RGSL1: variants seen among roughly 807,000 people sequenced by gnomAD.
RGSL1 encodes the protein regulator of G protein signaling like 1, also known as regulator of G protein signaling protein-like.
In RGSL1, 97 loss-of-function variants were observed where a neutral mutation model predicts 124.7. The ratio of observed to expected loss-of-function variants is 0.78; its 90% CI spans 0.66 to 0.92. The LOEUF (loss-of-function observed/expected upper bound fraction) is 0.92, where lower values mean the gene tolerates loss of function less well. Among genes scored for constraint, RGSL1 ranks in the 40% least tolerant of loss-of-function variants. The pLI is 0.00. For missense variants in RGSL1, 1,233 were observed against 1,288.4 expected (o/e 0.96, Z 0.66); for synonymous variants, 424 against 438.1 (o/e 0.97, Z 0.40).
intron 9 of RGSL1, among the ~76,000 whole-genome samples, chr1:182,504,755 T>C (rs1656685237): frequency 6.6e-6 from 1 of 152,148 alleles, no homozygotes. Context: ...TTTCCTTAAA[T>C]TCTTGGAGCC....
At chr1:182,494,813 A>G (rs191813442) in intron 9 of RGSL1, among the ~76,000 whole-genome samples, 1 of 152,352 alleles carries the variant, frequency 6.6e-6, no homozygotes, top group East Asian at 1.9e-4. Flanking sequence ...TGTGCCTTCA[A>G]AAAGTGGCTC....
chr1:182,536,153 G>T (rs752128418), intron 14 of RGSL1, among the ~76,000 whole-genome samples: 3 of 151,930 alleles, frequency 2.0e-5, no homozygotes, highest in Non-Finnish European at 2.9e-5. Context: ...TTTATTGCTG[G>T]GTAGTATTCC....
At chr1:182,451,075 G>A (rs150822090) in intron 1 of RGSL1, among the ~76,000 whole-genome samples, 276 of 151,118 alleles carry the variant, frequency 1.8e-3, no homozygotes, top group African/African-American at 6.6e-3. Flanking sequence ...GAATCTGGGA[G>A]GCAGAGTCTG....
At chr1:182,470,716 C>T (rs1436236118) in intron 4 of RGSL1, among the ~76,000 whole-genome samples, 1 of 152,020 alleles carries the variant, frequency 6.6e-6, no homozygotes, top group Non-Finnish European at 1.5e-5. Context: ...ATTTTTTGTT[C>T]TGTTTGCTGA....
chr1:182,499,754 C>T (rs1656211883), intron 9 of RGSL1, among the ~76,000 whole-genome samples: 1 of 152,090 alleles, frequency 6.6e-6, no homozygotes, highest in Non-Finnish European at 1.5e-5. Flanking sequence ...TTGTAGTTGC[C>T]TTATAGTGTC....
At chr1:182,547,295 G>T (rs1660272613) in intron 15 of RGSL1, among the ~76,000 whole-genome samples, 1 of 152,164 alleles carries the variant, frequency 6.6e-6, no homozygotes, top group African/African-American at 2.4e-5. Context: ...AAGTCCTCAG[G>T]TATGGTTTCT....
chr1:182,515,521 A>G (rs1230977048), intron 9 of RGSL1, among the ~76,000 whole-genome samples: 2 of 143,802 alleles, frequency 1.4e-5, no homozygotes, highest in African/African-American at 5.3e-5. Context: ...GGAAGGAAAG[A>G]AAAGAAAACA....
intron 4 of RGSL1, among the ~76,000 whole-genome samples, chr1:182,464,408 C>G (rs550735410): frequency 1.3e-5 from 2 of 151,944 alleles, no homozygotes; most frequent in African/African-American, 4.8e-5. Flanking sequence ...CAAAATAAAC[C>G]TTTAGTTAAG....
chr1:182,450,116 G>A, upstream of RGSL1: 1 of 1,550,534 alleles, frequency 6.4e-7, no homozygotes, highest in Non-Finnish European at 8.7e-7. Context: ...TATTGACTGG[G>A]GGGTAATTCT....
Position 182,540,311 on chromosome 1 carries a change from A to G in RGSL1, c.2559A>G (p.Ala853=), listed in dbSNP as rs1467188609. The part of the protein sequence containing the change: ...SAPPSTNVRS[A]DQENGEITLV... ...CACCCTCCACAAATGTCCGGAGTGC[A>G]GACCAAGAGAATGGAGAAATAACCC... The change falls in exon 15 of 22, where the codon GCA becomes GCG. Residue 853 remains alanine (A), a synonymous_variant. Transcript: ENST00000294854. 1 of 1,551,606 alleles carries G rather than the reference A, an allele frequency of 6.4e-7. No individual in the cohort carries two copies. Among genetic ancestry groups the G allele is most frequent in the Non-Finnish European group, 8.7e-7 (1 of 1,146,826 alleles).
intron 10 of RGSL1, among the ~76,000 whole-genome samples, chr1:182,526,532 G>A (rs1658758024): frequency 1.3e-5 from 2 of 152,104 alleles, no homozygotes; most frequent in South Asian, 4.1e-4. Flanking sequence ...TTATTAGCAG[G>A]GCATGGTGGT....
intron 11 of RGSL1, among the ~76,000 whole-genome samples, chr1:182,529,282 G>T (rs910399390): frequency 6.6e-6 from 1 of 152,152 alleles, no homozygotes; most frequent in Non-Finnish European, 1.5e-5. Flanking sequence ...AGGTTAACTA[G>T]CTTGTACACT....
chr1:182,462,721 G>C (rs952653564), intron 4 of RGSL1, among the ~76,000 whole-genome samples: 5 of 152,154 alleles, frequency 3.3e-5, no homozygotes, highest in African/African-American at 1.2e-4. Flanking sequence ...GGTGGAGTTA[G>C]AGCTGTCAAA....
Position 182,460,362 on chromosome 1 carries a change from T to C in RGSL1, c.301+229T>C, listed in dbSNP as rs1652719112. Among the ~76,000 whole-genome samples the C allele has an allele frequency of 2.0e-5, 3 of 152,198 alleles. No homozygotes were observed. In the South Asian group the frequency reaches 6.2e-4, roughly 32 times the overall value. The stretch of plus-strand genomic sequence containing the variant: ...CATATCCCAGCCCATGTTTTGGCAA[T>C]AGGTAAACTCTTAGCCTGAAATATT... On this transcript the variant is annotated intron_variant, in intron 4 of 21. Transcript: ENST00000294854.
intron 11 of RGSL1, 71 bp from the exon 12 acceptor site, chr1:182,530,173 C>CA: frequency 1.1e-5 from 12 of 1,104,048 alleles, no homozygotes; most frequent in South Asian, 1.0e-4. Flanking sequence ...AAAAAAAAAA[C>CA]AAAAAACCAC....
At chr1:182,454,133 T>A in intron 2 of RGSL1, 93 bp downstream of exon 2, 1 of 757,484 alleles carries the variant, frequency 1.3e-6, no homozygotes, top group Non-Finnish European at 2.2e-6. Context: ...TGTTTGTTGT[T>A]ATTTGGGGTT....
intron 15 of RGSL1, among the ~76,000 whole-genome samples, chr1:182,542,904 T>C (rs913517387): frequency 2.0e-5 from 3 of 152,166 alleles, no homozygotes; most frequent in African/African-American, 7.2e-5. Context: ...ATGTTGATTT[T>C]TTATTCTGCA....
intron 20 of RGSL1, chr1:182,555,499 G>A (rs1046128518): frequency 1.9e-5 from 3 of 156,872 alleles, no homozygotes; most frequent in African/African-American, 7.2e-5. Context: ...GAACAGAAGG[G>A]ACTTGAGTCT....
intron 14 of RGSL1, 55 bp from the exon 15 acceptor site, chr1:182,540,192 G>A: frequency 6.8e-7 from 1 of 1,472,466 alleles, no homozygotes; most frequent in Non-Finnish European, 9.1e-7. Flanking sequence ...CCCAGGTTGA[G>A]GGTAAGAGTG....
Sources: gnomAD v4.1 joint callset for allele counts (sites outside exome capture counted in the v4.1 genomes callset) on GRCh38, gnomAD v4.1.1 for gene constraint, MANE v1.5 for transcripts, NCBI Gene and HGNC (gene_info 2026-07-23, HGNC 2026-07-21) for gene names.